Variants in ELP4 observed in about 807,000 individuals in gnomAD.
The protein encoded by ELP4 is elongator acetyltransferase complex subunit 4.
ELP4 carries 51 observed loss-of-function variants against 48.9 expected under a neutral mutation model. That is an observed-to-expected ratio of 1.04 (90% confidence interval 0.83 to 1.32). ELP4 has a LOEUF of 1.32. ELP4 is among the 40% of genes most tolerant of loss of function. ELP4 has a pLI of 0.00. For synonymous variants in ELP4, 210 were observed against 189.2 expected (o/e 1.11, Z -0.90); for missense variants, 519 against 514.6 (o/e 1.01, Z -0.08).
intron 9 of ELP4, among the ~76,000 whole-genome samples, chr11:31,677,023 G>A (rs1945939643): frequency 6.6e-6 from 1 of 152,108 alleles, no homozygotes; most frequent in South Asian, 2.1e-4. Context: ...AATATATGCT[G>A]TAATATATTT....
chr11:31,658,103 C>A (rs939808354), intron 9 of ELP4, among the ~76,000 whole-genome samples: 1 of 151,884 alleles, frequency 6.6e-6, no homozygotes, highest in South Asian at 2.1e-4. Flanking sequence ...TCTTAACCAC[C>A]AACTATCTGC....
At position 31,554,143 on chromosome 11, in the gene ELP4, T is replaced by C. The variant is rs551081470; in HGVS notation, c.381+14360T>C. Among the ~76,000 whole-genome samples the C allele has an allele frequency of 2.9e-3, 446 of 152,332 alleles. 2 individuals are homozygous for C. Among genetic ancestry groups the C allele is most frequent in the Non-Finnish European group, 4.9e-3 (334 of 68,036 alleles). ...ACAAGCTCAGGGCTCCCAGTAATTCTATATTATGGTCAGTTATATAATTAT... is the reference window on the plus strand; with the variant it reads ...ACAAGCTCAGGGCTCCCAGTAATTCCATATTATGGTCAGTTATATAATTAT... On this transcript the variant is annotated intron_variant, in intron 3 of 9. Transcript: ENST00000640961.
intron 9 of ELP4, among the ~76,000 whole-genome samples, chr11:31,682,671 TC>T (rs2134125277): frequency 6.6e-6 from 1 of 152,232 alleles, no homozygotes; most frequent in South Asian, 2.1e-4. Context: ...TTAACACAAC[TC>T]CTACCCATAA....
intron 1 of ELP4, chr11:31,511,304 T>C (rs1350592121): frequency 1.3e-5 from 2 of 152,318 alleles, no homozygotes; most frequent in Middle Eastern, 3.4e-3. Flanking sequence ...TTAAGTTTGG[T>C]AGCTATTTCT....
intron 9 of ELP4, among the ~76,000 whole-genome samples, chr11:31,705,424 T>C (rs1283311660): frequency 6.6e-6 from 1 of 152,158 alleles, no homozygotes; most frequent in Non-Finnish European, 1.5e-5. Flanking sequence ...CACATGAAAT[T>C]TGAGGGACAC....
intron 7 of ELP4, chr11:31,637,385 A>C (rs1945003172): frequency 6.6e-6 from 1 of 151,952 alleles, no homozygotes; most frequent in Non-Finnish European, 1.5e-5. Flanking sequence ...GAAAGAAGAA[A>C]AAAAGAAAAG....
chr11:31,531,651 A>G (rs1956398099), intron 2 of ELP4, among the ~76,000 whole-genome samples: 1 of 152,334 alleles, frequency 6.6e-6, no homozygotes, highest in East Asian at 1.9e-4. Flanking sequence ...GGAAGGGGGA[A>G]TGTATTGGGA....
intron 9 of ELP4, among the ~76,000 whole-genome samples, chr11:31,667,879 A>C (rs1945714059): frequency 2.0e-5 from 3 of 152,226 alleles, no homozygotes; most frequent in Non-Finnish European, 4.4e-5. Flanking sequence ...AATAAAATCT[A>C]TGATCCATTC....
Position 31,789,135 on chromosome 11 carries a change from C to T in ELP4, c.*5611C>T, listed in dbSNP as rs1430226059. ...TATATCTAAGAACAATTAACTTTTG[C>T]TGGCCAAAAAAGAAACGTATGATTG... is the stretch of plus-strand genomic sequence containing the variant. On this transcript the variant is annotated 3_prime_UTR_variant, in exon 10 of 10. Coordinates refer to ENST00000640961, the MANE Select transcript of ELP4 (RefSeq NM_019040.5). The T allele has an allele frequency of 9.8e-6, 2 of 203,074 alleles. No individual in the cohort carries two copies. The highest frequency in any genetic ancestry group is 2.0e-5 in the Non-Finnish European group (2 of 98,714). The allele number at this position is 203,074 out of a possible 1,614,324, so 12.6% of individuals were successfully genotyped here.
At chr11:31,744,292 C>T (rs1947526851) in intron 9 of ELP4, among the ~76,000 whole-genome samples, 1 of 152,216 alleles carries the variant, frequency 6.6e-6, no homozygotes, top group South Asian at 2.1e-4. Context: ...GATGGATTCA[C>T]AGCCGAATTC....
chr11:31,583,292 T>C (rs578033392), intron 3 of ELP4, among the ~76,000 whole-genome samples: 1 of 152,312 alleles, frequency 6.6e-6, no homozygotes, highest in South Asian at 2.1e-4. Context: ...TCTCTATTCT[T>C]TTCTGCATGT....
chr11:31,766,019 A>G (rs1948032148), intron 9 of ELP4, among the ~76,000 whole-genome samples: 1 of 152,068 alleles, frequency 6.6e-6, no homozygotes, highest in Admixed American at 6.6e-5. Context: ...AAGCACATAC[A>G]GAGTAGTTTA....
In ELP4 at chr11:31,557,079, A is replaced by G. The variant is rs574700894; in HGVS notation, c.381+17296A>G. On this transcript the variant is annotated intron_variant, in intron 3 of 9. Coordinates refer to ENST00000640961, the MANE Select transcript of ELP4 (RefSeq NM_019040.5). ...AAAGAGTTCATTAAAAGTAAACCATATCATATTTTATGAATTGATGCAGCA... is the reference window on the plus strand; with the variant it reads ...AAAGAGTTCATTAAAAGTAAACCATGTCATATTTTATGAATTGATGCAGCA... 7.9e-5 allele frequency among the ~76,000 whole-genome samples: 12 copies of G among 152,024 alleles called. No homozygotes were observed. In the East Asian group the frequency reaches 2.3e-3, roughly 29 times the overall value.
At chr11:31,533,191 C>T (rs1343564495) in intron 2 of ELP4, among the ~76,000 whole-genome samples, 1 of 152,060 alleles carries the variant, frequency 6.6e-6, no homozygotes, top group East Asian at 1.9e-4. Context: ...CCTTTACCCC[C>T]TTACCACTCT....
At chr11:31,552,774 T>C (rs1956873317) in intron 3 of ELP4, among the ~76,000 whole-genome samples, 1 of 152,056 alleles carries the variant, frequency 6.6e-6, no homozygotes, top group Non-Finnish European at 1.5e-5. Context: ...CTCAAAACTC[T>C]CCAGAAGACA....
intron 2 of ELP4, among the ~76,000 whole-genome samples, chr11:31,539,018 G>C (rs1253227178): frequency 6.6e-6 from 1 of 152,152 alleles, no homozygotes; most frequent in Non-Finnish European, 1.5e-5. Context: ...CTGAGTTTAA[G>C]TATTGGTATT....
intron 3 of ELP4, among the ~76,000 whole-genome samples, chr11:31,593,166 C>T (rs375590006): frequency 2.6e-5 from 4 of 152,256 alleles, no homozygotes; most frequent in African/African-American, 9.6e-5. Flanking sequence ...AAACATCATT[C>T]TCTGTATTTT....
At chr11:31,560,704 A>T (rs1957007665) in intron 3 of ELP4, among the ~76,000 whole-genome samples, 1 of 147,276 alleles carries the variant, frequency 6.8e-6, no homozygotes, top group Admixed American at 6.8e-5. Context: ...ATATATATAA[A>T]ACAACGTTGT....
intron 3 of ELP4, among the ~76,000 whole-genome samples, chr11:31,566,823 CT>C (rs1347214978): frequency 2.0e-5 from 3 of 152,080 alleles, no homozygotes; most frequent in African/African-American, 7.2e-5. Context: ...GTTTCTTAGA[CT>C]TACTTATTTT....
Sources: gnomAD v4.1 joint callset for allele counts (sites outside exome capture counted in the v4.1 genomes callset) on GRCh38, gnomAD v4.1.1 for gene constraint, MANE v1.5 for transcripts, NCBI Gene and HGNC (gene_info 2026-07-23, HGNC 2026-07-21) for gene names.